DENND4A: variants seen among roughly 807,000 people sequenced by gnomAD.
The protein encoded by DENND4A is DENN domain containing 4A.
A neutral mutation model predicts 199.3 loss-of-function variants in DENND4A; 70 were observed. The ratio of observed to expected loss-of-function variants is 0.35; its 90% CI spans 0.29 to 0.43. The LOEUF is 0.43. Among genes scored for constraint, DENND4A ranks in the 20% least tolerant of loss-of-function variants. DENND4A has a pLI of 1.00. For synonymous variants in DENND4A, 686 were observed against 766.9 expected (o/e 0.89, Z 1.74); for missense variants, 1,723 against 2,255.8 (o/e 0.76, Z 4.78).
At chr15:65,736,533 C>T (rs1346961718) in intron 7 of DENND4A, among the ~76,000 whole-genome samples, 1 of 151,540 alleles carries the variant, frequency 6.6e-6, no homozygotes, top group Non-Finnish European at 1.5e-5. Flanking sequence ...CCCAAAGTGT[C>T]GGGATTACAG....
chr15:65,725,545 C>T (rs903945573), intron 11 of DENND4A, among the ~76,000 whole-genome samples: 3 of 151,868 alleles, frequency 2.0e-5, no homozygotes, highest in African/African-American at 4.8e-5. Context: ...GGTATGGTGG[C>T]GGGCACCTGT....
chr15:65,659,322 GTT>G lies in DENND4A; in HGVS notation c.*2527_*2528del, dbSNP rs869058369. 1 of 71,600 alleles carries G rather than the reference GTT, an allele frequency of 1.4e-5. No homozygotes were observed. The highest frequency in any genetic ancestry group is 7.7e-5 in the African/African-American group (1 of 12,928). 4.4% of individuals were successfully genotyped at this position (71,600 alleles called of 1,614,324 possible). A position where few individuals can be genotyped will look rare whatever the true frequency, so the allele number is the denominator to read the frequency against. ...TATTTTAAATGATTGATATTTTCTG[GTT>G]TTTTTTTTTTTTTTTTTTTTTTTTT... On this transcript the variant is annotated 3_prime_UTR_variant, in exon 33 of 33. Coordinates refer to ENST00000443035, the MANE Select transcript of DENND4A (RefSeq NM_001320835.1).
intron 9 of DENND4A, among the ~76,000 whole-genome samples, chr15:65,731,010 C>G (rs2075940923): frequency 6.6e-6 from 1 of 152,018 alleles, no homozygotes. Context: ...ACATTTGTCA[C>G]TCTGGGCTGA....
At chr15:65,787,755 G>T (rs1032365642) in intron 1 of DENND4A, among the ~76,000 whole-genome samples, 1 of 152,218 alleles carries the variant, frequency 6.6e-6, no homozygotes, top group African/African-American at 2.4e-5. Flanking sequence ...GAAAAGCAGA[G>T]TACACAATAT....
rs370437781 is a variant in DENND4A at position 65,780,822 on chromosome 15, A to T, written c.-102+11188T>A. Among the ~76,000 whole-genome samples, 5 of 152,352 alleles carry T rather than the reference A, an allele frequency of 3.3e-5. No homozygotes were observed. In the East Asian group the frequency reaches 9.6e-4, roughly 29 times the overall value. ...AAAATGAGGTACACAGAGTTAACAC[A>T]GTCAAACAGCAAAGTCACGTTTCAA... On this transcript the variant is annotated intron_variant, in intron 1 of 32. Coordinates refer to ENST00000443035, the MANE Select transcript of DENND4A (RefSeq NM_001320835.1).
At chr15:65,760,370 C>T (rs1466190072) in intron 2 of DENND4A, among the ~76,000 whole-genome samples, 1 of 151,886 alleles carries the variant, frequency 6.6e-6, no homozygotes, top group African/African-American at 2.4e-5. Flanking sequence ...TGGTGGCGCA[C>T]GCCTGTAATC....
At position 65,700,543 on chromosome 15, in the gene DENND4A, C is replaced by T. The variant is rs1567020673; in HGVS notation, c.2833+1G>A. ...AAATGTATACATAAGCATACACAAA[C>T]CTGTACTAGATCTATCATCAGTAGC... On this transcript the variant is annotated splice_donor_variant, in intron 20 of 32. Transcript: ENST00000443035. LOFTEE classifies it high-confidence loss of function. 2 of 1,476,110 alleles carry T rather than the reference C, an allele frequency of 1.4e-6. No individual in the cohort carries two copies. The highest frequency in any genetic ancestry group is 1.8e-6 in the Non-Finnish European group (2 of 1,108,740). 91.4% of individuals were successfully genotyped at this position (1,476,110 alleles called of 1,614,324 possible). A position where few individuals can be genotyped will look rare whatever the true frequency, so the allele number is the denominator to read the frequency against.
chr15:65,760,888 TC>T (rs1385076941), intron 2 of DENND4A, among the ~76,000 whole-genome samples: 1 of 151,506 alleles, frequency 6.6e-6, no homozygotes, highest in South Asian at 2.1e-4. Context: ...AGGCTCTGTC[TC>T]AAAAAAAAAG....
chr15:65,677,923 A>C (rs1596406028), intron 23 of DENND4A, among the ~76,000 whole-genome samples: 2 of 107,350 alleles, frequency 1.9e-5, no homozygotes, highest in Admixed American at 1.9e-4. Flanking sequence ...GCAGCCTCTT[A>C]TCTCTTTTTT....
At chr15:65,678,343 T>G (rs1295353042) in intron 23 of DENND4A, among the ~76,000 whole-genome samples, 1 of 151,262 alleles carries the variant, frequency 6.6e-6, no homozygotes, top group African/African-American at 2.5e-5. Context: ...GTTTGCCTTT[T>G]TTTTCTTGTA....
At chr15:65,769,017 A>G (rs1302682887) in intron 1 of DENND4A, among the ~76,000 whole-genome samples, 2 of 151,958 alleles carry the variant, frequency 1.3e-5, no homozygotes, top group Non-Finnish European at 2.9e-5. Flanking sequence ...AAAACAAAAA[A>G]AAAAACCCCC....
At chr15:65,662,058 A>G (rs998792056) in intron 32 of DENND4A, 71 bp from the exon 33 acceptor site, 2 of 1,282,350 alleles carry the variant, frequency 1.6e-6, no homozygotes, top group Non-Finnish European at 2.2e-6. Flanking sequence ...TCAAGTTTCT[A>G]TAATACTACA....
intron 22 of DENND4A, among the ~76,000 whole-genome samples, chr15:65,693,702 C>A (rs1344538177): frequency 1.3e-5 from 2 of 151,668 alleles, no homozygotes; most frequent in African/African-American, 4.8e-5. Context: ...GGAAGTCTTC[C>A]CTAACAACCC....
At chr15:65,748,134 T>C (rs2076461207) in intron 4 of DENND4A, among the ~76,000 whole-genome samples, 1 of 144,436 alleles carries the variant, frequency 6.9e-6, no homozygotes, top group Non-Finnish European at 1.5e-5. Context: ...TCAACTTCCA[T>C]AAAAACTTAA....
chr15:65,717,683 T>G (rs571231264), intron 13 of DENND4A, 95 bp downstream of exon 13: 1 of 1,109,992 alleles, frequency 9.0e-7, no homozygotes, highest in African/African-American at 1.6e-5. Flanking sequence ...AGGTATGTAT[T>G]CTCATAAATA....
intron 24 of DENND4A, among the ~76,000 whole-genome samples, chr15:65,676,139 A>AAAATATATATATATATATAT (rs2076367977): frequency 1.0e-5 from 1 of 99,000 alleles, no homozygotes; most frequent in East Asian, 1.5e-3. Context: ...GTAATAAGGA[A>AAAATATATATATATATATAT]AAATATATAT....
chr15:65,745,487 C>G (rs2076363470), intron 4 of DENND4A, among the ~76,000 whole-genome samples: 1 of 152,022 alleles, frequency 6.6e-6, no homozygotes, highest in Non-Finnish European at 1.5e-5. Context: ...TGAACATAAG[C>G]AACATTTAAC....
intron 22 of DENND4A, among the ~76,000 whole-genome samples, chr15:65,694,556 CACAA>C (rs2077080805): frequency 1.3e-5 from 2 of 152,006 alleles, no homozygotes; most frequent in East Asian, 1.9e-4. Flanking sequence ...TACATTTACA[CACAA>C]ACACACACAA....
chr15:65,693,327 T>G (rs2077037789), intron 22 of DENND4A, among the ~76,000 whole-genome samples: 1 of 152,154 alleles, frequency 6.6e-6, no homozygotes, highest in Non-Finnish European at 1.5e-5. Context: ...ATAGGTGATA[T>G]GGGGAGTTAC....
Sources: gnomAD v4.1 joint callset for allele counts (sites outside exome capture counted in the v4.1 genomes callset) on GRCh38, gnomAD v4.1.1 for gene constraint, MANE v1.5 for transcripts, NCBI Gene and HGNC (gene_info 2026-07-23, HGNC 2026-07-21) for gene names.